The following NUP43 variants were observed in gnomAD, a reference collection of about 807,000 sequenced individuals.
NUP43 encodes the protein nucleoporin 43, also known as nucleoporin Nup43.
A neutral mutation model predicts 47.3 loss-of-function variants in NUP43; 32 were observed. That is an observed-to-expected ratio of 0.68 (90% CI 0.51 to 0.91). The LOEUF is 0.91. NUP43 is among the 40% of genes least tolerant of loss of function. The pLI is 0.00. For missense variants in NUP43, 444 were observed against 453.9 expected (o/e 0.98, Z 0.20); for synonymous variants, 147 against 158.4 (o/e 0.93, Z 0.54).
intron 4 of NUP43, among the ~76,000 whole-genome samples, chr6:149,739,810 C>T (rs1305294413): frequency 6.6e-6 from 1 of 152,146 alleles, no homozygotes; most frequent in Non-Finnish European, 1.5e-5. Flanking sequence ...CCCAAATCTA[C>T]TCATTTTCAC....
chr6:149,730,489 C>A (rs1198366105), intron 7 of NUP43, among the ~76,000 whole-genome samples: 1 of 152,238 alleles, frequency 6.6e-6, no homozygotes, highest in Non-Finnish European at 1.5e-5. Flanking sequence ...AGCCAGCTTA[C>A]AGCATTTCTA....
At chr6:149,747,208 G>C (rs1038429474), upstream of NUP43, among the ~76,000 whole-genome samples, 3 of 152,024 alleles carry the variant, frequency 2.0e-5, no homozygotes, top group Non-Finnish European at 4.4e-5. Context: ...TCAGAATCCT[G>C]CCTATCCTTC....
upstream of NUP43, among the ~76,000 whole-genome samples, chr6:149,748,808 CAAAAAAAAAAAAAAAA>C: frequency 1.1e-5 from 1 of 87,348 alleles, no homozygotes; most frequent in South Asian, 3.7e-4. Flanking sequence ...GACTCCGTCT[CAAAAAAAAAAAAAAAA>C]AAAAAAAAAA....
At chr6:149,731,840 C>T in intron 6 of NUP43, 105 bp from the exon 7 acceptor site, 1 of 1,178,170 alleles carries the variant, frequency 8.5e-7, no homozygotes. Context: ...CCATCACATA[C>T]CTTCGAGCCT....
In NUP43 at chr6:149,738,706, A is replaced by G. The variant is rs1785488838; in HGVS notation, c.575T>C (p.Ile192Thr). 4.4e-6 allele frequency: 7 copies of G among 1,595,202 alleles called. No homozygotes were observed. Among genetic ancestry groups the G allele is most frequent in the Middle Eastern group, 1.7e-4 (1 of 6,032 alleles). ...RTPEILTVNS[I>T]GQLKIWDFRQ... ...GAAATCCCATATTTTCAACTGTCCA[A>G]TTGAATTTACAGTAAGAATCTCAGG... Residue 192 changes from isoleucine (I) to threonine (T), a missense_variant, in exon 5 of 8, where the codon ATT becomes ACT. Transcript: ENST00000340413.
chr6:149,737,750 G>C (rs1785439963), intron 5 of NUP43, among the ~76,000 whole-genome samples: 1 of 152,074 alleles, frequency 6.6e-6, no homozygotes, highest in Admixed American at 6.6e-5. Context: ...CTGCCTCCCA[G>C]GTTCAAGTGA....
At chr6:149,736,006 G>T (rs1260265926) in intron 6 of NUP43, among the ~76,000 whole-genome samples, 1 of 145,504 alleles carries the variant, frequency 6.9e-6, no homozygotes. Context: ...AACCAGGCAC[G>T]GCGGCTCATG....
intron 4 of NUP43, 120 bp downstream of exon 4, chr6:149,742,270 C>T: frequency 2.4e-6 from 2 of 823,658 alleles, no homozygotes; most frequent in Non-Finnish European, 4.0e-6. Context: ...AGGTGATCCA[C>T]CTGCCTCGGC....
intron 7 of NUP43, chr6:149,727,413 C>T (rs568605980): frequency 1.0e-6 from 1 of 983,822 alleles, no homozygotes. Context: ...AATATGGATA[C>T]CAAACTCGAA....
intron 6 of NUP43, among the ~76,000 whole-genome samples, chr6:149,735,616 A>C (rs1251625299): frequency 1.3e-5 from 2 of 150,566 alleles, no homozygotes; most frequent in South Asian, 4.2e-4. Flanking sequence ...AAAAAAAAAA[A>C]AAAACACACA....
chr6:149,741,838 C>T (rs1170834858), intron 4 of NUP43, among the ~76,000 whole-genome samples: 2 of 151,934 alleles, frequency 1.3e-5, no homozygotes, highest in Non-Finnish European at 2.9e-5. Flanking sequence ...TGCTCAATTA[C>T]TCTGATGGAT....
chr6:149,746,250 C>T, intron 1 of NUP43, 126 bp downstream of exon 1: 2 of 1,438,402 alleles, frequency 1.4e-6, no homozygotes, highest in Non-Finnish European at 1.9e-6. Flanking sequence ...GCGCCTGAGA[C>T]AGGGGTCCGG....
At chr6:149,733,215 C>T (rs1012811614) in intron 6 of NUP43, among the ~76,000 whole-genome samples, 5 of 151,970 alleles carry the variant, frequency 3.3e-5, no homozygotes, top group African/African-American at 9.7e-5. Context: ...TTGGTTAATG[C>T]CAAGATTCTG....
chr6:149,736,232 G>T (rs1785345989), intron 6 of NUP43, among the ~76,000 whole-genome samples: 1 of 151,786 alleles, frequency 6.6e-6, no homozygotes, highest in African/African-American at 2.4e-5. Context: ...GGCCAAGATA[G>T]CGCCATTGCA....
chr6:149,742,827 T>C (rs1312361747), intron 3 of NUP43, among the ~76,000 whole-genome samples: 1 of 152,172 alleles, frequency 6.6e-6, no homozygotes, highest in African/African-American at 2.4e-5. Context: ...GATCAAGCAG[T>C]TGGATGTTCA....
chr6:149,745,554 A>C (rs1047269700), intron 2 of NUP43, among the ~76,000 whole-genome samples: 1 of 152,232 alleles, frequency 6.6e-6, no homozygotes, highest in African/African-American at 2.4e-5. Flanking sequence ...TTCAAAAAAC[A>C]AAATGATGTT....
Position 149,725,033 on chromosome 6 carries a change from T to C in NUP43, c.*1936A>G, listed in dbSNP as rs980290313. 11 of 152,194 alleles carry C rather than the reference T, an allele frequency of 7.2e-5. No individual in the cohort carries two copies. The highest frequency in any genetic ancestry group is 2.7e-4 in the African/African-American group (11 of 41,448). The allele number at this position is 152,194 out of a possible 1,614,324, so 9.4% of individuals were successfully genotyped here. A position where few individuals can be genotyped will look rare whatever the true frequency, so the allele number is the denominator to read the frequency against. ...CTTGAAAGACACTCTATTTGACAGT[T>C]TCATGAATAAAGGCAGTGACAATGA... is the stretch of plus-strand genomic sequence containing the variant. On this transcript the variant is annotated 3_prime_UTR_variant, in exon 8 of 8. Coordinates refer to ENST00000340413, the MANE Select transcript of NUP43 (RefSeq NM_198887.3).
At chr6:149,736,004 A>ACGG (rs1031586413) in intron 6 of NUP43, among the ~76,000 whole-genome samples, 1 of 144,068 alleles carries the variant, frequency 6.9e-6, no homozygotes, top group Non-Finnish European at 1.5e-5. Flanking sequence ...AAAACCAGGC[A>ACGG]CGGCGGCTCA....
At chr6:149,728,035 G>A in intron 7 of NUP43, 1 of 985,312 alleles carries the variant, frequency 1.0e-6, no homozygotes, top group Non-Finnish European at 1.2e-6. Flanking sequence ...TTTAAAATAT[G>A]GCTGAACTTC....
Sources: gnomAD v4.1 joint callset for allele counts (sites outside exome capture counted in the v4.1 genomes callset) on GRCh38, gnomAD v4.1.1 for gene constraint, MANE v1.5 for transcripts, NCBI Gene and HGNC (gene_info 2026-07-23, HGNC 2026-07-21) for gene names.